SUPT3H: variants seen among roughly 807,000 people sequenced by gnomAD.
SUPT3H encodes SPT3 homolog, SAGA and STAGA complex component, also known as transcription initiation protein SPT3 homolog.
In SUPT3H, 44 loss-of-function variants were observed where a neutral mutation model predicts 44.3. The observed-to-expected ratio is 0.99, with a 90% CI of 0.78 to 1.28. The LOEUF is 1.28. Ranked by LOEUF, SUPT3H falls within the 50% of genes most tolerant of loss-of-function variation. The pLI is 0.00. For synonymous variants in SUPT3H, 124 were observed against 125.6 expected, an observed-to-expected ratio of 0.99 and a Z score of 0.09; for missense variants, 380 against 387.1, an observed-to-expected ratio of 0.98 and a Z score of 0.15.
At chr6:45,123,150 C>T (rs1801914002) in intron 2 of SUPT3H, among the ~76,000 whole-genome samples, 1 of 152,094 alleles carries the variant, frequency 6.6e-6, no homozygotes, top group Non-Finnish European at 1.5e-5. Context: ...ATTCACTGAA[C>T]ATCAACCAAG....
At chr6:44,898,459 C>G (rs532690411) in intron 10 of SUPT3H, among the ~76,000 whole-genome samples, 1 of 152,194 alleles carries the variant, frequency 6.6e-6, no homozygotes, top group Non-Finnish European at 1.5e-5. Flanking sequence ...CTATCAGCTA[C>G]GTAACAAATC....
chr6:45,249,482 C>CA (rs1771979530), intron 2 of SUPT3H, among the ~76,000 whole-genome samples: 1 of 150,980 alleles, frequency 6.6e-6, no homozygotes, highest in South Asian at 2.1e-4. Context: ...AGACAGCACA[C>CA]AAAAAATGTT....
intron 10 of SUPT3H, among the ~76,000 whole-genome samples, chr6:44,881,754 T>C (rs1001124828): frequency 2.0e-5 from 3 of 152,168 alleles, no homozygotes; most frequent in African/African-American, 7.2e-5. Flanking sequence ...CACAGCTACA[T>C]AGAAACTGAA....
rs1403802174 is a variant in SUPT3H, at chr6:45,110,586, A to G, written c.102-4580T>C. Among the ~76,000 whole-genome samples the G allele has an allele frequency of 3.3e-5, 5 of 152,098 alleles. No homozygotes were observed. The East Asian group carries it at 9.7e-4, about 29-fold the overall frequency. ...GCTTTTTTTAAAAAAAAAAAAGGAG[A>G]AAGATTTCTTAAAAATGAAGGAGCT... On this transcript the variant is annotated intron_variant, in intron 2 of 10. Coordinates refer to ENST00000371459, the MANE Select transcript of SUPT3H (RefSeq NM_003599.4).
intron 9 of SUPT3H, among the ~76,000 whole-genome samples, chr6:44,942,248 G>A (rs1772565708): frequency 2.0e-5 from 3 of 151,982 alleles, no homozygotes; most frequent in Non-Finnish European, 4.4e-5. Flanking sequence ...TACTGAATGA[G>A]TTGCAGAGTA....
chr6:44,993,645 C>G (rs191666606), intron 6 of SUPT3H, among the ~76,000 whole-genome samples: 1 of 152,106 alleles, frequency 6.6e-6, no homozygotes. Flanking sequence ...AATACTACCT[C>G]GTCTACAGTT....
intron 9 of SUPT3H, among the ~76,000 whole-genome samples, chr6:44,946,904 AAAGG>A (rs1773437724): frequency 6.6e-6 from 1 of 152,154 alleles, no homozygotes; most frequent in Admixed American, 6.6e-5. Context: ...ATCTTTCAAG[AAAGG>A]AAGAGTCAAT....
intron 2 of SUPT3H, among the ~76,000 whole-genome samples, chr6:45,204,426 GT>G (rs1283516169): frequency 6.6e-6 from 1 of 152,094 alleles, no homozygotes; most frequent in Non-Finnish European, 1.5e-5. Context: ...CAGACAAGCA[GT>G]TCACCAAATA....
At chr6:45,299,850 G>C (rs1781873076) in intron 2 of SUPT3H, among the ~76,000 whole-genome samples, 1 of 118,390 alleles carries the variant, frequency 8.4e-6, no homozygotes, top group Non-Finnish European at 1.7e-5. Flanking sequence ...TTTATCTATA[G>C]GAAAAATGTT....
chr6:45,270,283 C>T (rs112866546), intron 2 of SUPT3H, among the ~76,000 whole-genome samples: 67 of 151,894 alleles, frequency 4.4e-4, no homozygotes, highest in Middle Eastern at 3.4e-3. Flanking sequence ...TTTTTTTATA[C>T]ACTATTAACT....
intron 10 of SUPT3H, among the ~76,000 whole-genome samples, chr6:44,863,870 C>T (rs141271708): frequency 1.5e-4 from 23 of 152,132 alleles, no homozygotes; most frequent in East Asian, 1.4e-3. Context: ...ACAGGTTTCC[C>T]TTTATCAAAC....
chr6:44,819,286 TAGGGA>T (rs1767116734), intron 11 of SUPT3H, among the ~76,000 whole-genome samples: 1 of 152,082 alleles, frequency 6.6e-6, no homozygotes, highest in African/African-American at 2.4e-5. Flanking sequence ...TAAAAAATGA[TAGGGA>T]CAGAATGAGT....
intron 2 of SUPT3H, among the ~76,000 whole-genome samples, chr6:45,364,928 ATAAT>A (rs1284362998): frequency 1.3e-5 from 2 of 152,334 alleles, no homozygotes; most frequent in Middle Eastern, 3.4e-3. Flanking sequence ...ACTCAGGCAA[ATAAT>A]TAGAGCAATT....
intron 2 of SUPT3H, among the ~76,000 whole-genome samples, chr6:45,260,754 G>C (rs1774227844): frequency 6.6e-6 from 1 of 151,978 alleles, no homozygotes; most frequent in African/African-American, 2.4e-5. Context: ...TACACGAATT[G>C]CCTATATAAA....
At chr6:44,814,064 A>G (rs1323685711) in intron 11 of SUPT3H, among the ~76,000 whole-genome samples, 1 of 152,210 alleles carries the variant, frequency 6.6e-6, no homozygotes, top group East Asian at 1.9e-4. Context: ...AATAAAAGGA[A>G]AAACACCTCA....
intron 7 of SUPT3H, among the ~76,000 whole-genome samples, chr6:44,959,514 G>A: frequency 6.6e-6 from 1 of 151,468 alleles, no homozygotes; most frequent in East Asian, 1.9e-4. Context: ...GTAAAGGACT[G>A]GAAAATAATT....
intron 3 of SUPT3H, among the ~76,000 whole-genome samples, chr6:45,054,592 AT>A (rs1279832329): frequency 6.6e-6 from 1 of 152,204 alleles, no homozygotes; most frequent in East Asian, 1.9e-4. Flanking sequence ...TATCTCAGCC[AT>A]GAACCTTGCA....
At chr6:44,936,037 A>C (rs1771351841) in intron 9 of SUPT3H, among the ~76,000 whole-genome samples, 1 of 152,188 alleles carries the variant, frequency 6.6e-6, no homozygotes, top group Admixed American at 6.5e-5. Flanking sequence ...CTAAATGTAA[A>C]ATCTTAAGTC....
chr6:45,137,516 T>C (rs758844888), intron 2 of SUPT3H, among the ~76,000 whole-genome samples: 3 of 151,800 alleles, frequency 2.0e-5, no homozygotes, highest in Non-Finnish European at 4.4e-5. Flanking sequence ...TATATGACCA[T>C]AACAGAACAA....
Sources: gnomAD v4.1 joint callset for allele counts (sites outside exome capture counted in the v4.1 genomes callset) on GRCh38, gnomAD v4.1.1 for gene constraint, MANE v1.5 for transcripts, NCBI Gene and HGNC (gene_info 2026-07-23, HGNC 2026-07-21) for gene names.